The following SPRED2 variants were observed in gnomAD, a reference collection of about 807,000 sequenced individuals.
SPRED2 encodes the protein sprouty-related, EVH1 domain-containing protein 2.
Under a neutral mutation model 43.0 loss-of-function variants are expected in SPRED2, and 47 were observed. The ratio of observed to expected loss-of-function variants is 1.09; its 90% CI spans 0.87 to 1.40. The LOEUF (loss-of-function observed/expected upper bound fraction) is 1.40. SPRED2 is among the 40% of genes most tolerant of loss of function. The pLI is 0.00. For missense variants in SPRED2, 561 were observed against 586.4 expected (o/e 0.96, Z 0.45); for synonymous variants, 225 against 225.7 (o/e 1.00, Z 0.03).
chr2:65,310,816 C>T (rs1016544339), downstream of SPRED2: 5 of 950,728 alleles, frequency 5.3e-6, no homozygotes, highest in African/African-American at 3.5e-5. Flanking sequence ...AGCATCACCT[C>T]GTCTCCTGCC....
At chr2:65,371,081 C>T (rs192514485) in intron 1 of SPRED2, among the ~76,000 whole-genome samples, 2 of 152,176 alleles carry the variant, frequency 1.3e-5, no homozygotes, top group African/African-American at 4.8e-5. Flanking sequence ...GCCACCCTGT[C>T]GCTGCCCGTA....
At chr2:65,405,460 C>T (rs1166638111) in intron 1 of SPRED2, among the ~76,000 whole-genome samples, 1 of 152,198 alleles carries the variant, frequency 6.6e-6, no homozygotes, top group African/African-American at 2.4e-5. Context: ...ATATTCCTAG[C>T]TAACATGTTT....
chr2:65,336,875 G>T (rs1290507553), intron 2 of SPRED2, among the ~76,000 whole-genome samples: 1 of 152,204 alleles, frequency 6.6e-6, no homozygotes, highest in Non-Finnish European at 1.5e-5. Flanking sequence ...TTGGGAGGCC[G>T]AGGCGGGCGG....
intron 4 of SPRED2, among the ~76,000 whole-genome samples, chr2:65,324,832 A>T (rs1673558789): frequency 6.6e-6 from 1 of 152,168 alleles, no homozygotes; most frequent in Non-Finnish European, 1.5e-5. Context: ...TGTCTTCAGG[A>T]CGAGCCGGAC....
chr2:65,346,073 C>T (rs1425520077), intron 1 of SPRED2, among the ~76,000 whole-genome samples: 5 of 152,146 alleles, frequency 3.3e-5, no homozygotes, highest in Non-Finnish European at 7.3e-5. Flanking sequence ...CCCATTATTC[C>T]CTGGGCCTCA....
chr2:65,357,817 T>A (rs1430009839), intron 1 of SPRED2, among the ~76,000 whole-genome samples: 3 of 152,262 alleles, frequency 2.0e-5, no homozygotes, highest in South Asian at 2.1e-4. Flanking sequence ...TCAGGACAGG[T>A]GACCTAACCT....
intron 1 of SPRED2, among the ~76,000 whole-genome samples, chr2:65,403,003 A>T (rs1675940834): frequency 1.3e-5 from 2 of 152,230 alleles, no homozygotes; most frequent in Admixed American, 1.3e-4. Context: ...TATCGGCACA[A>T]TCTTTCAGCC....
intron 1 of SPRED2, among the ~76,000 whole-genome samples, chr2:65,376,808 G>C (rs562099710): frequency 6.6e-6 from 1 of 151,960 alleles, no homozygotes; most frequent in Admixed American, 6.6e-5. Flanking sequence ...TCTGCCTCCC[G>C]GGTTTACGCC....
chr2:65,400,864 C>G (rs1266209558), intron 1 of SPRED2, among the ~76,000 whole-genome samples: 1 of 152,190 alleles, frequency 6.6e-6, no homozygotes, highest in Non-Finnish European at 1.5e-5. Context: ...GTTCTCTGCT[C>G]TACTAAATTC....
chr2:65,360,071 A>C lies in SPRED2; in HGVS notation c.27-15175T>G, dbSNP rs1195716053. ...CAGAGCGAGACTCCATCTCAAAAAA[A>C]AAAAAAACAAAAAAAAACAAAAAAA... On this transcript the variant is annotated intron_variant, in intron 1 of 5. Transcript: ENST00000356388. 6.3e-5 allele frequency among the ~76,000 whole-genome samples: 6 copies of C among 95,302 alleles called. No individual in the cohort carries two copies. The East Asian group carries it at 1.3e-3, about 20-fold the overall frequency. 62.5% of individuals were successfully genotyped at this position (95,302 alleles called of 152,430 possible).
intron 1 of SPRED2, among the ~76,000 whole-genome samples, chr2:65,424,376 A>G (rs893473421): frequency 2.0e-5 from 3 of 152,200 alleles, no homozygotes; most frequent in African/African-American, 7.2e-5. Context: ...TATTTTTTCA[A>G]TTAATGAATA....
At chr2:65,328,534 G>A (rs1040889254) in intron 4 of SPRED2, among the ~76,000 whole-genome samples, 9 of 152,150 alleles carry the variant, frequency 5.9e-5, no homozygotes, top group Non-Finnish European at 1.0e-4. Flanking sequence ...GGGTAGCTGT[G>A]AGGACCAAAT....
chr2:65,422,789 A>G (rs751796119), intron 1 of SPRED2, among the ~76,000 whole-genome samples: 18 of 152,288 alleles, frequency 1.2e-4, no homozygotes, highest in Non-Finnish European at 2.1e-4. Flanking sequence ...CAAACAGCAG[A>G]GTACTGTTCT....
chr2:65,354,143 A>G (rs1674582945), intron 1 of SPRED2, among the ~76,000 whole-genome samples: 2 of 152,232 alleles, frequency 1.3e-5, no homozygotes, highest in African/African-American at 2.4e-5. Flanking sequence ...CCGGCAGGCA[A>G]TTAGGGATCC....
chr2:65,347,489 A>T (rs1674386856), intron 1 of SPRED2, among the ~76,000 whole-genome samples: 1 of 152,092 alleles, frequency 6.6e-6, no homozygotes, highest in Non-Finnish European at 1.5e-5. Flanking sequence ...CAGATGATGG[A>T]TGAAGTTGCT....
intron 1 of SPRED2, among the ~76,000 whole-genome samples, chr2:65,350,601 T>C (rs1262261316): frequency 6.6e-6 from 1 of 152,230 alleles, no homozygotes; most frequent in Non-Finnish European, 1.5e-5. Context: ...GTTCCCAACA[T>C]GTGGACTTTT....
chr2:65,391,195 TACACACACACAC>T (rs70943648), intron 1 of SPRED2, among the ~76,000 whole-genome samples: 12 of 145,556 alleles, frequency 8.2e-5, no homozygotes, highest in South Asian at 2.2e-4. Flanking sequence ...CCTTAATGTG[TACACACACACAC>T]ACACACACAC....
rs12614086 is a variant in SPRED2 at position 65,344,956 on chromosome 2, G to A, written c.27-60C>T. 5.8e-4 allele frequency: 870 copies of A among 1,493,168 alleles called. 5 individuals carry two copies. In the East Asian group the frequency reaches 7.7e-3, roughly 13 times the overall value. The allele number at this position is 1,493,168 out of a possible 1,614,324, so 92.5% of individuals were successfully genotyped here. A position where few individuals can be genotyped will look rare whatever the true frequency, so the allele number is the denominator to read the frequency against. On this transcript the variant is annotated intron_variant, in intron 1 of 5. Transcript: ENST00000356388. ...CAATGGTCTGGTAGTTGCAGAACAC[G>A]TTTCAAAATGCAAGATGACCACCAG...
intron 1 of SPRED2, among the ~76,000 whole-genome samples, chr2:65,399,392 T>G (rs1329999788): frequency 6.7e-6 from 1 of 148,316 alleles, no homozygotes; most frequent in Non-Finnish European, 1.5e-5. Context: ...TCTTTTTTTT[T>G]TTTTTTTTTT....
Sources: gnomAD v4.1 joint callset for allele counts (sites outside exome capture counted in the v4.1 genomes callset) on GRCh38, gnomAD v4.1.1 for gene constraint, MANE v1.5 for transcripts, NCBI Gene and HGNC (gene_info 2026-07-23, HGNC 2026-07-21) for gene names.